TUBGCP4: variants seen among roughly 807,000 people sequenced by gnomAD.
The protein encoded by TUBGCP4 is tubulin gamma complex component 4.
Under a neutral mutation model 91.6 loss-of-function variants are expected in TUBGCP4, and 54 were observed. The observed-to-expected ratio is 0.59, with a 90% confidence interval of 0.47 to 0.74. TUBGCP4 has a LOEUF of 0.74. Ranked by LOEUF, TUBGCP4 falls within the 30% of genes least tolerant of loss-of-function variation. The pLI, the probability that TUBGCP4 is intolerant of heterozygous loss-of-function variation, is 0.00. For missense variants in TUBGCP4, 593 were observed against 800.9 expected (o/e 0.74, Z 3.13); for synonymous variants, 297 against 302.8 (o/e 0.98, Z 0.20).
chr15:43,383,595 A>C, intron 7 of TUBGCP4, 91 bp downstream of exon 7: 41 of 1,106,564 alleles, frequency 3.7e-5, no homozygotes, highest in Non-Finnish European at 4.9e-5. Flanking sequence ...TTCTTAGCTC[A>C]TAGCTGAGCA....
At position 43,406,633 on chromosome 15, in the gene TUBGCP4, T is replaced by G. The variant is rs899801465; in HGVS notation, c.*1419T>G. 7 of 455,824 alleles carry G rather than the reference T, an allele frequency of 1.5e-5. No individual in the cohort carries two copies. The highest frequency in any genetic ancestry group is 7.1e-5 in the Admixed American group (3 of 42,546). 28.2% of individuals were successfully genotyped at this position (455,824 alleles called of 1,614,324 possible). ...CCTTGTTGACCCCTGCTTTAGAGAA[T>G]GAGAAGCCATGCAGGGATCAGTGAT... On this transcript the variant is annotated 3_prime_UTR_variant, in exon 18 of 18. Coordinates refer to ENST00000564079, the MANE Select transcript of TUBGCP4 (RefSeq NM_014444.5).
At chr15:43,396,800 C>T (rs190570988) in intron 11 of TUBGCP4, among the ~76,000 whole-genome samples, 61 of 152,204 alleles carry the variant, frequency 4.0e-4, no homozygotes, top group African/African-American at 1.4e-3. Context: ...CCTACTAAGC[C>T]CCTGTTTATC....
rs746308917 is a variant in TUBGCP4 at position 43,376,125 on chromosome 15, C to T, written c.106C>T (p.Pro36Ser). Residue 36 changes from proline (P) to serine (S), a missense_variant, in exon 2 of 18, where the codon CCC (proline) becomes TCC (serine). Physicochemically the swap from Pro to Ser is moderately conservative, Grantham distance 74. Transcript: ENST00000564079. ...ATCGCAGGACTTCCCTTTCCTCCAC[C>T]CCAGTGAGACCAGTGTCCTGAATCG... ...QVSQDFPFLH[P>S]SETSVLNRLC... The T allele has an allele frequency of 1.9e-6, 3 of 1,614,168 alleles. No individual in the cohort carries two copies. Among genetic ancestry groups the T allele is most frequent in the Admixed American group, 3.3e-5 (2 of 60,016 alleles).
intron 1 of TUBGCP4, 47 bp downstream of exon 1, chr15:43,371,479 G>T (rs1275676236): frequency 5.0e-6 from 8 of 1,595,564 alleles, no homozygotes; most frequent in Non-Finnish European, 6.9e-6. Context: ...CAGGAGGGGG[G>T]ACCTGAGCCA....
chr15:43,377,185 A>G lies in TUBGCP4; in HGVS notation c.384+118A>G, dbSNP rs117038360. 5.6e-4 allele frequency: 458 copies of G among 811,552 alleles called. 2 individuals are homozygous for G. The East Asian group carries it at 9.8e-3, about 17-fold the overall frequency. 50.3% of individuals were successfully genotyped at this position (811,552 alleles called of 1,614,324 possible). A position where few individuals can be genotyped will look rare whatever the true frequency, so the allele number is the denominator to read the frequency against. The stretch of plus-strand genomic sequence containing the variant: ...CTGGATTCAGAGCCTAACATTTTAT[A>G]TTTTGTGCATTTTGTATGTTTTACT... On this transcript the variant is annotated intron_variant, in intron 4 of 17. Coordinates refer to ENST00000564079, the MANE Select transcript of TUBGCP4 (RefSeq NM_014444.5).
intron 16 of TUBGCP4, 61 bp from the exon 17 acceptor site, chr15:43,404,352 T>A (rs1409235632): frequency 6.3e-7 from 1 of 1,595,438 alleles, no homozygotes. Context: ...TCCGCCCCCA[T>A]CCTCCATATG....
At chr15:43,390,022 T>C (rs967433763) in intron 9 of TUBGCP4, among the ~76,000 whole-genome samples, 75 of 152,132 alleles carry the variant, frequency 4.9e-4, no homozygotes, top group African/African-American at 1.7e-3. Context: ...ACCGGGTTCC[T>C]CCCACAACAC....
chr15:43,384,984 G>A (rs78093723), intron 7 of TUBGCP4, among the ~76,000 whole-genome samples: 1 of 152,308 alleles, frequency 6.6e-6, no homozygotes, highest in East Asian at 1.9e-4. Flanking sequence ...GTGAGTGCTT[G>A]GAAATGAGTC....
At position 43,407,567 on chromosome 15, in the gene TUBGCP4, A is replaced by T; in HGVS notation, c.*2353A>T. The T allele has an allele frequency of 6.2e-7, 1 of 1,610,218 alleles. No individual in the cohort carries two copies. The highest frequency in any genetic ancestry group is 8.5e-7 in the Non-Finnish European group (1 of 1,177,412). The stretch of plus-strand genomic sequence containing the variant: ...CACCACATCAAATACCCCTAAAGCA[A>T]TATCTGCAAGGAGCAAGGGAAAGTG... On this transcript the variant is annotated 3_prime_UTR_variant, in exon 18 of 18. Coordinates refer to ENST00000564079, the MANE Select transcript of TUBGCP4 (RefSeq NM_014444.5).
At chr15:43,397,839 G>A (rs1047565419) in intron 12 of TUBGCP4, among the ~76,000 whole-genome samples, 1 of 152,142 alleles carries the variant, frequency 6.6e-6, no homozygotes, top group African/African-American at 2.4e-5. Context: ...GCCCCCCTGA[G>A]TAGCTGGGAC....
Position 43,406,611 on chromosome 15 carries a change from T to C in TUBGCP4, c.*1397T>C, listed in dbSNP as rs2044897197. The C allele has an allele frequency of 4.4e-6, 2 of 455,980 alleles. No individual in the cohort carries two copies. The highest frequency in any genetic ancestry group is 8.8e-6 in the Non-Finnish European group (2 of 226,776). 28.2% of individuals were successfully genotyped at this position (455,980 alleles called of 1,614,324 possible). A position where few individuals can be genotyped will look rare whatever the true frequency, so the allele number is the denominator to read the frequency against. On this transcript the variant is annotated 3_prime_UTR_variant, in exon 18 of 18. Transcript: ENST00000564079. ...TTTGACCCTTTACAGAAAAAAACCT[T>C]GTTGACCCCTGCTTTAGAGAATGAG...
chr15:43,384,682 A>T (rs1438982742), intron 7 of TUBGCP4, among the ~76,000 whole-genome samples: 5 of 152,236 alleles, frequency 3.3e-5, no homozygotes, highest in Non-Finnish European at 7.3e-5. Context: ...AAGATCACAA[A>T]GGTGCATGTA....
intron 9 of TUBGCP4, among the ~76,000 whole-genome samples, chr15:43,387,683 A>G (rs2044399427): frequency 6.6e-6 from 1 of 151,780 alleles, no homozygotes. Flanking sequence ...GCTGGTCTCA[A>G]ACTCGTGAGC....
intron 9 of TUBGCP4, among the ~76,000 whole-genome samples, chr15:43,390,301 CT>C (rs1471407335): frequency 6.6e-6 from 1 of 152,044 alleles, no homozygotes; most frequent in Admixed American, 6.5e-5. Flanking sequence ...GGAGGGAAAA[CT>C]TACCTAGTTC....
chr15:43,399,333 G>A (rs919961404), intron 13 of TUBGCP4, among the ~76,000 whole-genome samples: 1 of 152,138 alleles, frequency 6.6e-6, no homozygotes, highest in African/African-American at 2.4e-5. Context: ...GGCTCTCAGC[G>A]ACAGAGAATC....
At chr15:43,402,613 C>T (rs569212704) in intron 15 of TUBGCP4, 2 of 152,294 alleles carry the variant, frequency 1.3e-5, no homozygotes, top group African/African-American at 4.8e-5. Context: ...ATGTCTCCTT[C>T]GTGGCAGTTA....
intron 13 of TUBGCP4, among the ~76,000 whole-genome samples, chr15:43,399,572 C>G (rs781228621): frequency 9.9e-5 from 15 of 152,162 alleles, no homozygotes; most frequent in Admixed American, 1.3e-4. Flanking sequence ...TCTTGAACCC[C>G]TGAGCTTAAG....
intron 10 of TUBGCP4, 121 bp downstream of exon 10, chr15:43,395,278 C>A: frequency 1.8e-6 from 2 of 1,132,720 alleles, no homozygotes; most frequent in Non-Finnish European, 2.7e-6. Flanking sequence ...CTCATTTGTT[C>A]TTATCCAAGT....
intron 9 of TUBGCP4, among the ~76,000 whole-genome samples, chr15:43,392,626 G>A (rs967756579): frequency 3.9e-5 from 6 of 152,092 alleles, no homozygotes; most frequent in Non-Finnish European, 8.8e-5. Flanking sequence ...AGCCTCCTGA[G>A]TAGCTGGGGT....
Sources: allele counts gnomAD v4.1 joint callset (sites outside exome capture counted in the v4.1 genomes callset), GRCh38; gene constraint gnomAD v4.1.1; transcripts MANE v1.5; gene names NCBI Gene and HGNC (gene_info 2026-07-23, HGNC 2026-07-21).